The following KLF3 variants were observed in gnomAD, a reference collection of about 807,000 sequenced individuals.
KLF3 encodes Krueppel-like factor 3.
KLF3 carries 6 observed loss-of-function variants against 32.7 expected under a neutral mutation model. That is an observed-to-expected ratio of 0.18 (90% confidence interval 0.10 to 0.36). KLF3 has a LOEUF of 0.36. Ranked by LOEUF, KLF3 falls within the 10% of genes least tolerant of loss-of-function variation. KLF3 has a pLI of 1.00. For synonymous variants in KLF3, 145 were observed against 172.8 expected, an observed-to-expected ratio of 0.84 and a Z score of 1.26; for missense variants, 338 against 449.7, an observed-to-expected ratio of 0.75 and a Z score of 2.25.
At position 38,699,754 on chromosome 4, in the gene KLF3, A is replaced by G. The variant is rs1215345773; in HGVS notation, c.*2491A>G. 1.3e-5 allele frequency: 2 copies of G among 152,240 alleles called. No homozygotes were observed. Among genetic ancestry groups the G allele is most frequent in the Non-Finnish European group, 2.9e-5 (2 of 68,040 alleles). The allele number at this position is 152,240 out of a possible 1,614,324, so 9.4% of individuals were successfully genotyped here. On this transcript the variant is annotated 3_prime_UTR_variant, in exon 6 of 6. Coordinates refer to ENST00000261438, the MANE Select transcript of KLF3 (RefSeq NM_016531.6). ...TGAACAAAAGCAACCCAGAGCGGCC[A>G]TTCTCTATTCCCATGCTGGTCAATA...
chr4:38,682,089 C>G (rs371822157), intron 2 of KLF3, among the ~76,000 whole-genome samples: 2 of 152,386 alleles, frequency 1.3e-5, no homozygotes, highest in African/African-American at 4.8e-5. Flanking sequence ...GATGGAGTCT[C>G]ACTCTGTCGC....
chr4:38,684,147 C>T (rs77472833), intron 2 of KLF3, among the ~76,000 whole-genome samples: 7,757 of 152,204 alleles, frequency 0.051, 506 homozygotes, highest in East Asian at 0.18. Flanking sequence ...ATGGAAAGCT[C>T]GCCAAAACTA....
rs1191348512 is a variant in KLF3 at position 38,671,406 on chromosome 4, G to A, written c.-40+6945G>A. 6.6e-6 allele frequency among the ~76,000 whole-genome samples: 1 copy of A among 152,206 alleles called. No homozygotes were observed. Among genetic ancestry groups the A allele is most frequent in the African/African-American group, 2.4e-5 (1 of 41,452 alleles). On this transcript the variant is annotated intron_variant, in intron 1 of 5. Coordinates refer to ENST00000261438, the MANE Select transcript of KLF3 (RefSeq NM_016531.6). This position sits in a 1 kb window ranked among gnomAD's most constrained non-coding sequence, Gnocchi z 4.4. ...GCCTAATTTGGGGCCTTCAGAATGT[G>A]TCTTTTGATCTTGCATCCAAGTGTG...
At chr4:38,675,037 C>G (rs1722302688) in intron 1 of KLF3, among the ~76,000 whole-genome samples, 1 of 152,222 alleles carries the variant, frequency 6.6e-6, no homozygotes, top group African/African-American at 2.4e-5. Context: ...GTCTCAGACA[C>G]CACTGGATAG....
At position 38,700,093 on chromosome 4, in the gene KLF3, G is replaced by C. The variant is rs1350379777; in HGVS notation, c.*2830G>C. 1 of 152,188 alleles carries C rather than the reference G, an allele frequency of 6.6e-6. No individual in the cohort carries two copies. Among genetic ancestry groups the C allele is most frequent in the Non-Finnish European group, 1.5e-5 (1 of 68,022 alleles). 9.4% of individuals were successfully genotyped at this position (152,188 alleles called of 1,614,324 possible). A position where few individuals can be genotyped will look rare whatever the true frequency, so the allele number is the denominator to read the frequency against. The stretch of plus-strand genomic sequence containing the variant: ...CATCCTAGAGAAGTCAGAAGAATCA[G>C]AATCCATCGTATTTTAGAGTTATGT... On this transcript the variant is annotated 3_prime_UTR_variant, in exon 6 of 6. Transcript: ENST00000261438.
In KLF3 at chr4:38,671,094, T is replaced by C. The variant is rs1722184704; in HGVS notation, c.-40+6633T>C. Among the ~76,000 whole-genome samples the C allele has an allele frequency of 6.6e-6, 1 of 152,192 alleles. No homozygotes were observed. Among genetic ancestry groups the C allele is most frequent in the South Asian group, 2.1e-4 (1 of 4,832 alleles). On this transcript the variant is annotated intron_variant, in intron 1 of 5. Coordinates refer to ENST00000261438, the MANE Select transcript of KLF3 (RefSeq NM_016531.6). The surrounding 1 kb of genome is among the most constrained non-coding windows in gnomAD (Gnocchi z 4.4). ...GACCCCAGCATTAGGCGATTTTACC[T>C]AAAAGTCGGTCCCACAGCACAGGCT...
intron 2 of KLF3, among the ~76,000 whole-genome samples, chr4:38,685,381 C>G (rs886984613): frequency 1.3e-5 from 2 of 152,168 alleles, no homozygotes; most frequent in African/African-American, 4.8e-5. Context: ...TTGTACCTTA[C>G]AATAATCGCA....
Position 38,680,586 on chromosome 4 carries a change from G to A in KLF3, c.-39-1G>A. On this transcript the variant is annotated splice_acceptor_variant, in intron 1 of 5. Transcript: ENST00000261438. LOFTEE classifies it low-confidence loss of function (5UTR_SPLICE). ...GATGGATACCTTGTTTTGTTTTCTAGGCCAAACACCAGAGCACCCTAGAAG... is the reference window on the plus strand; with the variant it reads ...GATGGATACCTTGTTTTGTTTTCTAAGCCAAACACCAGAGCACCCTAGAAG... 1 of 1,514,668 alleles carries A rather than the reference G, an allele frequency of 6.6e-7. No individual in the cohort carries two copies. Among genetic ancestry groups the A allele is most frequent in the Non-Finnish European group, 9.2e-7 (1 of 1,091,176 alleles). 93.8% of individuals were successfully genotyped at this position (1,514,668 alleles called of 1,614,324 possible). A position where few individuals can be genotyped will look rare whatever the true frequency, so the allele number is the denominator to read the frequency against.
intron 1 of KLF3, among the ~76,000 whole-genome samples, chr4:38,677,896 T>TG (rs1222311523): frequency 6.6e-6 from 1 of 151,740 alleles, no homozygotes; most frequent in East Asian, 1.9e-4. Flanking sequence ...TGTGTGTGTG[T>TG]GTGTGTGTGT....
Position 38,693,724 on chromosome 4 carries a change from A to G in KLF3, c.696-1022A>G, listed in dbSNP as rs186561148. Among the ~76,000 whole-genome samples, 324 of 152,352 alleles carry G rather than the reference A, an allele frequency of 2.1e-3. 1 individual carries two copies. The highest frequency in any genetic ancestry group is 7.1e-3 in the African/African-American group (296 of 41,580). On this transcript the variant is annotated intron_variant, in intron 4 of 5. Coordinates refer to ENST00000261438, the MANE Select transcript of KLF3 (RefSeq NM_016531.6). ...TAGAGGCCAATGACATACACTTGTGATATATCAAGTAATTAGTCATTAGGA... is the reference window on the plus strand; with the variant it reads ...TAGAGGCCAATGACATACACTTGTGGTATATCAAGTAATTAGTCATTAGGA...
In KLF3 at chr4:38,688,781, C is replaced by T. The variant is rs17857398; in HGVS notation, c.254C>T (p.Pro85Leu). Residue 85 changes from proline (P) to leucine (L), a missense_variant, in exon 3 of 6, where the codon CCG (proline) becomes CTG (leucine). Physicochemically the swap from Pro to Leu is moderately conservative, Grantham distance 98. This residue lies in a region of KLF3 where 272 missense variants were observed against 313.4 expected (regional missense o/e 0.87). Transcript: ENST00000261438. This position sits in a 1 kb window ranked among gnomAD's most constrained non-coding sequence, Gnocchi z 4.9. ...AGNSPSSLKF[P>L]SSHRRASPGL... ...AATTCGCCCTCCTCTCTGAAGTTCC[C>T]GTCCTCACACCGGAGAGCCTCGCCT... is the stretch of plus-strand genomic sequence containing the variant. 41 of 1,614,100 alleles carry T rather than the reference C, an allele frequency of 2.5e-5. No individual in the cohort carries two copies. Among genetic ancestry groups the T allele is most frequent in the Admixed American group, 6.7e-5 (4 of 60,012 alleles).
chr4:38,698,659 T>G lies in KLF3; in HGVS notation c.*1396T>G, dbSNP rs1222771670. 6.6e-6 allele frequency: 1 copy of G among 152,280 alleles called. No homozygotes were observed. The highest frequency in any genetic ancestry group is 1.5e-5 in the Non-Finnish European group (1 of 68,030). The allele number at this position is 152,280 out of a possible 1,614,324, so 9.4% of individuals were successfully genotyped here. On this transcript the variant is annotated 3_prime_UTR_variant, in exon 6 of 6. Transcript: ENST00000261438. ...TCACTATTTCAGTGTCAGAACAAACTGAAAATAATGGCTCGTGTTTATGTT... is the reference window on the plus strand; with the variant it reads ...TCACTATTTCAGTGTCAGAACAAACGGAAAATAATGGCTCGTGTTTATGTT...
rs973431130 is a variant in KLF3, at chr4:38,699,365, T to A, written c.*2102T>A. 6.6e-6 allele frequency: 1 copy of A among 152,240 alleles called. No homozygotes were observed. Among genetic ancestry groups the A allele is most frequent in the Non-Finnish European group, 1.5e-5 (1 of 68,040 alleles). 9.4% of individuals were successfully genotyped at this position (152,240 alleles called of 1,614,324 possible). A position where few individuals can be genotyped will look rare whatever the true frequency, so the allele number is the denominator to read the frequency against. Reference sequence around the variant, plus strand: ...AAGTAGATATTGTCTGTATTGTAAATGCTTAGTCATATTCATGGCAAAGTG... The same window carrying A: ...AAGTAGATATTGTCTGTATTGTAAAAGCTTAGTCATATTCATGGCAAAGTG... On this transcript the variant is annotated 3_prime_UTR_variant, in exon 6 of 6. Transcript: ENST00000261438.
At position 38,671,385 on chromosome 4, in the gene KLF3, A is replaced by C. The variant is rs553309580; in HGVS notation, c.-40+6924A>C. Among the ~76,000 whole-genome samples the C allele has an allele frequency of 1.1e-4, 17 of 152,278 alleles. No individual in the cohort carries two copies. The South Asian group carries it at 3.5e-3, about 32-fold the overall frequency. The stretch of plus-strand genomic sequence containing the variant: ...CACTGGCTAGGAAGAATAATTGCCT[A>C]ATTTGGGGCCTTCAGAATGTGTCTT... On this transcript the variant is annotated intron_variant, in intron 1 of 5. Transcript: ENST00000261438. This position sits in a 1 kb window ranked among gnomAD's most constrained non-coding sequence, Gnocchi z 4.4.
chr4:38,669,789 A>C (rs2109236897), intron 1 of KLF3, among the ~76,000 whole-genome samples: 1 of 143,858 alleles, frequency 7.0e-6, no homozygotes, highest in Middle Eastern at 3.8e-3. Flanking sequence ...GCTACTCAGG[A>C]GGCTGAGGCA....
Position 38,697,340 on chromosome 4 carries a change from C to T in KLF3, c.*77C>T. On this transcript the variant is annotated 3_prime_UTR_variant, in exon 6 of 6. Transcript: ENST00000261438. ...CTGTCCTGCCTCCCATTATCTAACACATTTTTTACATGTACATTTTAATTT... is the reference window on the plus strand; with the variant it reads ...CTGTCCTGCCTCCCATTATCTAACATATTTTTTACATGTACATTTTAATTT... 2 of 1,261,106 alleles carry T rather than the reference C, an allele frequency of 1.6e-6. No homozygotes were observed. Among genetic ancestry groups the T allele is most frequent in the South Asian group, 1.5e-5 (1 of 65,620 alleles). The allele number at this position is 1,261,106 out of a possible 1,614,324, so 78.1% of individuals were successfully genotyped here.
intron 3 of KLF3, 102 bp downstream of exon 3, chr4:38,689,173 C>T: frequency 7.1e-7 from 1 of 1,417,142 alleles, no homozygotes; most frequent in Non-Finnish European, 9.6e-7. Context: ...CTGTTGAACT[C>T]TTCAAAGGAA....
rs987697509 is a variant in KLF3 at position 38,674,939 on chromosome 4, G to A, written c.-39-5648G>A. Among the ~76,000 whole-genome samples the A allele has an allele frequency of 2.6e-4, 39 of 152,018 alleles. No homozygotes were observed. The highest frequency in any genetic ancestry group is 8.9e-4 in the African/African-American group (37 of 41,356). On this transcript the variant is annotated intron_variant, in intron 1 of 5. Transcript: ENST00000261438. This position sits in a 1 kb window ranked among gnomAD's most constrained non-coding sequence, Gnocchi z 4.1. ...GGAGGTTTAGTAACCCCCTAACCTCGTCTTCCATGAAGGACTGTGTGTGTG... is the reference window on the plus strand; with the variant it reads ...GGAGGTTTAGTAACCCCCTAACCTCATCTTCCATGAAGGACTGTGTGTGTG...
intron 1 of KLF3, among the ~76,000 whole-genome samples, chr4:38,677,916 T>TGTGTGTGTGTG (rs61113341): frequency 1.3e-5 from 2 of 148,884 alleles, no homozygotes; most frequent in South Asian, 4.2e-4. Flanking sequence ...TGTGTGTGTG[T>TGTGTGTGTGTG]TTTAATCTCA....
Sources: allele counts gnomAD v4.1 joint callset (sites outside exome capture counted in the v4.1 genomes callset), GRCh38; gene constraint gnomAD v4.1.1; regional missense constraint gnomAD v4.1.1; non-coding constraint Gnocchi (gnomAD v3.1); transcripts MANE v1.5; gene names NCBI Gene and HGNC (gene_info 2026-07-23, HGNC 2026-07-21).